TEAD1: variants seen among roughly 807,000 people sequenced by gnomAD.
TEAD1 encodes the protein transcriptional enhancer factor TEF-1.
TEAD1 carries 9 observed loss-of-function variants against 54.9 expected under a neutral mutation model. The ratio of observed to expected loss-of-function variants is 0.16; its 90% CI spans 0.10 to 0.29. TEAD1 has a LOEUF of 0.29. Among genes scored for constraint, TEAD1 ranks in the 10% least tolerant of loss-of-function variants. TEAD1 has a pLI of 1.00. For missense variants in TEAD1, 387 were observed against 535.9 expected (o/e 0.72, Z 2.74); for synonymous variants, 200 against 187.8 (o/e 1.07, Z -0.53).
At chr11:12,801,763 T>C (rs1946064547) in intron 3 of TEAD1, among the ~76,000 whole-genome samples, 1 of 152,236 alleles carries the variant, frequency 6.6e-6, no homozygotes, top group African/African-American at 2.4e-5. Flanking sequence ...TGTATGGTTG[T>C]ATTTCATTCA....
intron 3 of TEAD1, among the ~76,000 whole-genome samples, chr11:12,841,122 T>A (rs1310570720): frequency 6.6e-6 from 1 of 152,210 alleles, no homozygotes; most frequent in Non-Finnish European, 1.5e-5. Flanking sequence ...AGACCCAGAT[T>A]TATTCATAGG....
intron 2 of TEAD1, among the ~76,000 whole-genome samples, chr11:12,700,314 A>T (rs974358160): frequency 6.6e-6 from 1 of 152,144 alleles, no homozygotes; most frequent in African/African-American, 2.4e-5. Flanking sequence ...ATAACTAGAG[A>T]TCCCTTAGAT....
intron 2 of TEAD1, among the ~76,000 whole-genome samples, chr11:12,679,447 G>T (rs560037919): frequency 1.3e-3 from 204 of 152,274 alleles, no homozygotes; most frequent in African/African-American, 4.8e-3. Context: ...AATTCTGGTT[G>T]CTTTTAGGCA....
chr11:12,941,614 C>T lies in TEAD1; in HGVS notation c.*4392C>T, dbSNP rs901856879. Reference sequence around the variant, plus strand: ...GAACTAACGAAGGGTAGAACTAATTCTGTTTGTCAGTGTTCACACCTGTAA... The same window carrying T: ...GAACTAACGAAGGGTAGAACTAATTTTGTTTGTCAGTGTTCACACCTGTAA... On this transcript the variant is annotated 3_prime_UTR_variant, in exon 13 of 13. Transcript: ENST00000527636. The T allele has an allele frequency of 2.6e-5, 4 of 152,594 alleles. No homozygotes were observed. The highest frequency in any genetic ancestry group is 7.2e-5 in the African/African-American group (3 of 41,430). 9.5% of individuals were successfully genotyped at this position (152,594 alleles called of 1,614,324 possible).
chr11:12,859,355 A>G (rs997108758), intron 3 of TEAD1, among the ~76,000 whole-genome samples: 28 of 150,490 alleles, frequency 1.9e-4, no homozygotes, highest in African/African-American at 6.5e-4. Flanking sequence ...ACAAAATTGT[A>G]TGTAATACAG....
At chr11:12,736,978 A>T (rs1286558091) in intron 2 of TEAD1, among the ~76,000 whole-genome samples, 2 of 152,226 alleles carry the variant, frequency 1.3e-5, no homozygotes, top group African/African-American at 4.8e-5. Context: ...AATATAGTCA[A>T]TAATACTTTA....
chr11:12,852,693 C>G (rs1015796560), intron 3 of TEAD1, among the ~76,000 whole-genome samples: 7 of 152,076 alleles, frequency 4.6e-5, no homozygotes, highest in East Asian at 1.9e-4. Flanking sequence ...AGTGACCCAC[C>G]CGCCTTGGCC....
intron 2 of TEAD1, among the ~76,000 whole-genome samples, chr11:12,678,843 G>C (rs1181352383): frequency 2.6e-5 from 4 of 152,182 alleles, no homozygotes; most frequent in Non-Finnish European, 5.9e-5. Flanking sequence ...ATTGAAATTT[G>C]ACCATTTTTT....
intron 10 of TEAD1, among the ~76,000 whole-genome samples, chr11:12,914,453 C>G (rs1460531082): frequency 6.6e-6 from 1 of 152,180 alleles, no homozygotes; most frequent in Non-Finnish European, 1.5e-5. Flanking sequence ...TTGGGTTGGG[C>G]AGGGCATAAG....
intron 2 of TEAD1, among the ~76,000 whole-genome samples, chr11:12,735,147 G>A (rs1248376305): frequency 6.6e-6 from 1 of 152,288 alleles, no homozygotes; most frequent in African/African-American, 2.4e-5. Context: ...AAACCTTTGG[G>A]AAGTCTGGCC....
At chr11:12,726,248 G>T (rs1944309201) in intron 2 of TEAD1, among the ~76,000 whole-genome samples, 1 of 152,174 alleles carries the variant, frequency 6.6e-6, no homozygotes, top group Non-Finnish European at 1.5e-5. Flanking sequence ...TGGTACCTCT[G>T]GTGAGACTTG....
chr11:12,870,564 C>A (rs532928790), intron 5 of TEAD1, among the ~76,000 whole-genome samples: 1 of 151,266 alleles, frequency 6.6e-6, no homozygotes, highest in Non-Finnish European at 1.5e-5. Flanking sequence ...TCTCCCCCGC[C>A]CCCCCCGGGG....
intron 2 of TEAD1, among the ~76,000 whole-genome samples, chr11:12,726,679 A>C (rs1944320199): frequency 6.6e-6 from 1 of 152,066 alleles, no homozygotes; most frequent in Non-Finnish European, 1.5e-5. Context: ...ACATGGCGAA[A>C]CCTCATCTCT....
intron 5 of TEAD1, 135 bp from the exon 6 acceptor site, chr11:12,879,573 A>G: frequency 9.7e-7 from 1 of 1,026,020 alleles, no homozygotes; most frequent in South Asian, 1.3e-5. Flanking sequence ...TGTGTTATTT[A>G]TCCATGCATG....
Position 12,879,858 on chromosome 11 carries a change from A to G in TEAD1, c.465+16A>G. ...GGCGCCGGGGGTAAGTCATGAGCTC[A>G]GTCCAGTAATGACAGCTGCTGGGGT... On this transcript the variant is annotated intron_variant, in intron 6 of 12. Transcript: ENST00000527636. 6.2e-7 allele frequency: 1 copy of G among 1,612,748 alleles called. No individual in the cohort carries two copies. Among genetic ancestry groups the G allele is most frequent in the Non-Finnish European group, 8.5e-7 (1 of 1,180,030 alleles).
intron 3 of TEAD1, among the ~76,000 whole-genome samples, chr11:12,781,292 A>G (rs1465822704): frequency 1.3e-5 from 2 of 152,254 alleles, no homozygotes; most frequent in East Asian, 1.9e-4. Flanking sequence ...ATGTGACAAC[A>G]AAAGTATAAG....
rs372380005 is a variant in TEAD1, at chr11:12,791,998, A to G, written c.202+27564A>G. Reference sequence around the variant, plus strand: ...AACAAATGAACTACACATGAACACTAATCTTCCCTGGAACTAAGGATAGGT... The same window carrying G: ...AACAAATGAACTACACATGAACACTGATCTTCCCTGGAACTAAGGATAGGT... On this transcript the variant is annotated intron_variant, in intron 3 of 12. Transcript: ENST00000527636. 3.9e-5 allele frequency among the ~76,000 whole-genome samples: 6 copies of G among 152,302 alleles called. No individual in the cohort carries two copies. In the East Asian group the frequency reaches 1.2e-3, roughly 29 times the overall value.
chr11:12,696,134 T>C (rs943905822), intron 2 of TEAD1, among the ~76,000 whole-genome samples: 4 of 152,216 alleles, frequency 2.6e-5, no homozygotes, highest in Non-Finnish European at 5.9e-5. Flanking sequence ...GATGATACTT[T>C]AGGAAAACTT....
chr11:12,826,016 T>C (rs1191993610), intron 3 of TEAD1, among the ~76,000 whole-genome samples: 1 of 152,220 alleles, frequency 6.6e-6, no homozygotes, highest in Non-Finnish European at 1.5e-5. Flanking sequence ...TACATAGAAT[T>C]TAACTCAAAA....
Sources: allele counts gnomAD v4.1 joint callset (sites outside exome capture counted in the v4.1 genomes callset), GRCh38; gene constraint gnomAD v4.1.1; transcripts MANE v1.5; gene names NCBI Gene and HGNC (gene_info 2026-07-23, HGNC 2026-07-21).